Variants in PC observed in about 807,000 individuals in gnomAD.
PC encodes pyruvate carboxylase, mitochondrial.
Under a neutral mutation model 107.8 loss-of-function variants are expected in PC, and 46 were observed. The observed-to-expected ratio is 0.43, with a 90% confidence interval of 0.34 to 0.55. The LOEUF (loss-of-function observed/expected upper bound fraction) is 0.55. Among genes scored for constraint, PC ranks in the 20% least tolerant of loss-of-function variants. The pLI is 0.04. For synonymous variants in PC, 662 were observed against 684.7 expected, an observed-to-expected ratio of 0.97 and a Z score of 0.52; for missense variants, 1,241 against 1,643.1, an observed-to-expected ratio of 0.76 and a Z score of 4.23.
intron 3 of PC, among the ~76,000 whole-genome samples, chr11:66,885,482 C>CT (rs1565261042): frequency 8.2e-6 from 1 of 122,136 alleles, no homozygotes; most frequent in African/African-American, 3.6e-5. Context: ...CAGTGAGACT[C>CT]TGTCTAAAAA....
At chr11:66,953,653 CTCAAG>C (rs765520904) in intron 2 of PC, among the ~76,000 whole-genome samples, 1 of 152,264 alleles carries the variant, frequency 6.6e-6, no homozygotes, top group Non-Finnish European at 1.5e-5. Flanking sequence ...GTCTGGGGCA[CTCAAG>C]TCAATAAAAT....
In PC at chr11:66,852,550, C is replaced by T. The variant is rs1945563929; in HGVS notation, c.1714G>A (p.Asp572Asn). The T allele has an allele frequency of 6.2e-7, 1 of 1,614,018 alleles. No individual in the cohort carries two copies. The highest frequency in any genetic ancestry group is 8.5e-7 in the Non-Finnish European group (1 of 1,179,994). ...GLLLMDTTFR[D>N]AHQSLLATRV... Reference sequence around the variant, plus strand: ...GTGGCCAGCAGTGACTGGTGGGCGTCCCTGAAGGTCGTGTCCATCAGCAGC... The same window carrying T: ...GTGGCCAGCAGTGACTGGTGGGCGTTCCTGAAGGTCGTGTCCATCAGCAGC... Residue 572 changes from aspartate (D) to asparagine (N), a missense_variant, in exon 15 of 23, where the codon GAC (aspartate) becomes AAC (asparagine). Asp to Asn is a conservative substitution (Grantham distance 23). This residue lies in a region of PC where 1,143 missense variants were observed against 1,551.9 expected (regional missense o/e 0.74). Transcript: ENST00000393960. The surrounding 1 kb of genome is among the most constrained non-coding windows in gnomAD (Gnocchi z 4.7).
In PC at chr11:66,913,536, C is replaced by T. The variant is rs181783028; in HGVS notation, c.-1+38894G>A. Among the ~76,000 whole-genome samples, 293 of 151,804 alleles carry T rather than the reference C, an allele frequency of 1.9e-3. 2 individuals carry two copies. The highest frequency in any genetic ancestry group is 6.9e-3 in the African/African-American group (287 of 41,414). On this transcript the variant is annotated intron_variant, in intron 3 of 22. Coordinates refer to ENST00000393960, the MANE Select transcript of PC (RefSeq NM_001040716.2). ...AAAATACAAAAATTAGCCGGGCGTG[C>T]CTGTAATCCCAGATACTCAGGAGGC...
Position 66,858,530 on chromosome 11 carries a change from C to A in PC, c.1369-5147G>T, listed in dbSNP as rs1565225488. The A allele has an allele frequency of 6.5e-7, 1 of 1,533,828 alleles. No individual in the cohort carries two copies. The highest frequency in any genetic ancestry group is 2.0e-5 in the Admixed American group (1 of 50,810). ...TGGAAACGTGCGCCTCCCCGCCCGG[C>A]CTGGCCGGCCGCTACTTCTGGGCAG... On this transcript the variant is annotated intron_variant, in intron 12 of 22. Coordinates refer to ENST00000393960, the MANE Select transcript of PC (RefSeq NM_001040716.2). This position sits in a 1 kb window ranked among gnomAD's most constrained non-coding sequence, Gnocchi z 5.9.
chr11:66,871,287 C>G lies in PC; in HGVS notation c.487+28G>C. The G allele has an allele frequency of 6.2e-7, 1 of 1,614,050 alleles. No individual in the cohort carries two copies. On this transcript the variant is annotated intron_variant, in intron 6 of 22. Transcript: ENST00000393960. This position sits in a 1 kb window ranked among gnomAD's most constrained non-coding sequence, Gnocchi z 7.4. ...TGGACCCTCTCCAGGAGCTGCGGGG[C>G]CACCCCTTGCTTGCCCGTTATATTC...
chr11:66,883,059 C>T (rs1947240268), intron 3 of PC, among the ~76,000 whole-genome samples: 1 of 152,210 alleles, frequency 6.6e-6, no homozygotes, highest in South Asian at 2.1e-4. Context: ...TCTGGGCCCC[C>T]AGGAGCGCCG....
At chr11:66,859,498 T>C (rs1472667818) in intron 12 of PC, 1 of 1,484,982 alleles carries the variant, frequency 6.7e-7, no homozygotes. Flanking sequence ...CTCTCCAGCC[T>C]GTTCACCTTC....
chr11:66,937,133 T>C (rs1456405844), intron 3 of PC, among the ~76,000 whole-genome samples: 4 of 152,180 alleles, frequency 2.6e-5, no homozygotes, highest in African/African-American at 9.6e-5. Context: ...TGTAAGCCAC[T>C]GTGCCCGGCC....
intron 3 of PC, among the ~76,000 whole-genome samples, chr11:66,914,459 C>T (rs528607535): frequency 1.3e-5 from 2 of 151,074 alleles, no homozygotes; most frequent in East Asian, 2.0e-4. Context: ...TGCAGTGAGC[C>T]GAGATGGCGC....
chr11:66,945,948 C>T (rs896015915), intron 3 of PC, among the ~76,000 whole-genome samples: 37 of 150,392 alleles, frequency 2.5e-4, no homozygotes, highest in Non-Finnish European at 4.3e-4. Context: ...TAGCAGGGCG[C>T]GGTGGCGGGC....
intron 3 of PC, among the ~76,000 whole-genome samples, chr11:66,906,749 C>T (rs978411168): frequency 6.6e-6 from 1 of 152,076 alleles, no homozygotes; most frequent in Non-Finnish European, 1.5e-5. Flanking sequence ...GAACAAGAGG[C>T]CATTTGGAAC....
At chr11:66,956,991 G>C (rs1949575677) in intron 1 of PC, among the ~76,000 whole-genome samples, 1 of 152,252 alleles carries the variant, frequency 6.6e-6, no homozygotes, top group Non-Finnish European at 1.5e-5. Flanking sequence ...TGTAGGGATA[G>C]GAACACTGTA....
intron 3 of PC, among the ~76,000 whole-genome samples, chr11:66,885,382 C>T (rs59731664): frequency 6.6e-6 from 1 of 150,800 alleles, no homozygotes; most frequent in African/African-American, 2.4e-5. Flanking sequence ...CCCAGCTACT[C>T]GGGAAGCTGA....
Position 66,858,719 on chromosome 11 carries a change from C to T in PC, c.1368+5055G>A. The T allele has an allele frequency of 6.4e-7, 1 of 1,552,516 alleles. No homozygotes were observed. Among genetic ancestry groups the T allele is most frequent in the Non-Finnish European group, 8.7e-7 (1 of 1,147,066 alleles). On this transcript the variant is annotated intron_variant, in intron 12 of 22. Transcript: ENST00000393960. The surrounding 1 kb of genome is among the most constrained non-coding windows in gnomAD (Gnocchi z 5.9). ...CTGACGACCGGTTGGTTGGCAACTC[C>T]TCCCGAGCCCGGGCTTTCCCCAACG...
intron 2 of PC, 146 bp from the exon 3 acceptor site, chr11:66,952,614 T>G (rs1949465779): frequency 6.6e-6 from 1 of 152,320 alleles, no homozygotes; most frequent in Non-Finnish European, 1.5e-5. Context: ...CAATCCCGGC[T>G]CACTGCAACC....
At chr11:66,869,012 G>A in intron 9 of PC, 48 bp from the exon 10 acceptor site, 1 of 1,404,354 alleles carries the variant, frequency 7.1e-7, no homozygotes, top group Non-Finnish European at 1.0e-6. Flanking sequence ...CAGGGCCTGG[G>A]CAAACTCACT....
rs1947603363 is a variant in PC at position 66,892,235 on chromosome 11, CCT to C, written c.1-20078_1-20077del. Among the ~76,000 whole-genome samples, 3 of 152,170 alleles carry C rather than the reference CCT, an allele frequency of 2.0e-5. No homozygotes were observed. The South Asian group carries it at 6.2e-4, about 32-fold the overall frequency. On this transcript the variant is annotated intron_variant, in intron 3 of 22. Transcript: ENST00000393960. Reference sequence around the variant, plus strand: ...CTTGAACTAGATGAAGAACACTTCCCCTGAGACCAGAGTGCCTAAGAGTTCTG... The same window carrying C: ...CTTGAACTAGATGAAGAACACTTCCCGAGACCAGAGTGCCTAAGAGTTCTG...
intron 3 of PC, among the ~76,000 whole-genome samples, chr11:66,905,366 C>T (rs1221112805): frequency 6.6e-6 from 1 of 152,198 alleles, no homozygotes; most frequent in Non-Finnish European, 1.5e-5. Flanking sequence ...ACAGGACCGG[C>T]TGTCCTCGTC....
Position 66,870,567 on chromosome 11 carries a change from A to G in PC, c.752-114T>C. 7.8e-7 allele frequency: 1 copy of G among 1,285,470 alleles called. No individual in the cohort carries two copies. Among genetic ancestry groups the G allele is most frequent in the East Asian group, 2.4e-5 (1 of 41,784 alleles). The allele number at this position is 1,285,470 out of a possible 1,614,324, so 79.6% of individuals were successfully genotyped here. A position where few individuals can be genotyped will look rare whatever the true frequency, so the allele number is the denominator to read the frequency against. On this transcript the variant is annotated intron_variant, in intron 8 of 22. Coordinates refer to ENST00000393960, the MANE Select transcript of PC (RefSeq NM_001040716.2). This position sits in a 1 kb window ranked among gnomAD's most constrained non-coding sequence, Gnocchi z 6.1. The stretch of plus-strand genomic sequence containing the variant: ...AGTCAGTGCCGGCTGCCAGCGGTAC[A>G]GAGGCTGCCAGGAGAGACACCAGCA...
Sources: allele counts gnomAD v4.1 joint callset (sites outside exome capture counted in the v4.1 genomes callset), GRCh38; gene constraint gnomAD v4.1.1; regional missense constraint gnomAD v4.1.1; non-coding constraint Gnocchi (gnomAD v3.1); transcripts MANE v1.5; gene names NCBI Gene and HGNC (gene_info 2026-07-23, HGNC 2026-07-21).